Variants in TTC19 observed in about 807,000 individuals in gnomAD.
TTC19 encodes the protein tetratricopeptide repeat protein 19, mitochondrial.
In TTC19, 38 loss-of-function variants were observed where a neutral mutation model predicts 49.5. The ratio of observed to expected loss-of-function variants is 0.77; its 90% CI spans 0.59 to 1.01. The LOEUF is 1.01. Among genes scored for constraint, TTC19 ranks in the 50% least tolerant of loss-of-function variants. TTC19 has a pLI of 0.00. For synonymous variants in TTC19, 204 were observed against 185.2 expected, an observed-to-expected ratio of 1.10 and a Z score of -0.83; for missense variants, 475 against 477.7, an observed-to-expected ratio of 0.99 and a Z score of 0.05.
chr17:16,036,255 T>G (rs1448722560), intron 2 of TTC19, among the ~76,000 whole-genome samples: 1 of 152,206 alleles, frequency 6.6e-6, no homozygotes, highest in African/African-American at 2.4e-5. Context: ...GTATTGAAAA[T>G]TATTTTTTCT....
At chr17:16,031,899 C>T (rs773589903), downstream of TTC19, 25 of 237,376 alleles carry the variant, frequency 1.1e-4, no homozygotes, top group South Asian at 1.7e-4. Context: ...AAAGTTGATG[C>T]GCTGATTTGA....
intron 2 of TTC19, among the ~76,000 whole-genome samples, chr17:16,042,164 G>GAA (rs2152072303): frequency 1.3e-5 from 2 of 152,142 alleles, no homozygotes; most frequent in Non-Finnish European, 2.9e-5. Context: ...AACTGACAGA[G>GAA]GAGAAAAGTC....
chr17:15,999,886 T>G lies in TTC19; in HGVS notation c.38T>G (p.Phe13Cys). Residue 13 changes from phenylalanine to cysteine, a missense_variant, in exon 1 of 10, where the codon TTC (phenylalanine) becomes TGC (cysteine). Physicochemically the swap from Phe to Cys is radical, Grantham distance 205. Transcript: ENST00000261647. ...CTGAGCTGGAGCCTGGGCCGAGGCTTCCTGCGGGCCGCGGGGCGGCGGTGC... is the reference window on the plus strand; with the variant it reads ...CTGAGCTGGAGCCTGGGCCGAGGCTGCCTGCGGGCCGCGGGGCGGCGGTGC... ...RLLSWSLGRG[F>C]LRAAGRRCRG... 3 of 1,410,612 alleles carry G rather than the reference T, an allele frequency of 2.1e-6. No homozygotes were observed. The highest frequency in any genetic ancestry group is 2.7e-6 in the Non-Finnish European group (3 of 1,091,878). 87.4% of individuals were successfully genotyped at this position (1,410,612 alleles called of 1,614,324 possible).
rs1971730633 is a variant in TTC19 at position 16,029,045 on chromosome 17, G to T, written c.*1523G>T. 2.2e-6 allele frequency: 1 copy of T among 451,534 alleles called. No homozygotes were observed. The highest frequency in any genetic ancestry group is 4.4e-6 in the Non-Finnish European group (1 of 226,138). 28.0% of individuals were successfully genotyped at this position (451,534 alleles called of 1,614,324 possible). A position where few individuals can be genotyped will look rare whatever the true frequency, so the allele number is the denominator to read the frequency against. On this transcript the variant is annotated 3_prime_UTR_variant, in exon 10 of 10. Transcript: ENST00000261647. ...ATACAATATAAATCAGACTGTTTCA[G>T]TAGAAACCAGTATTAACGTATGGTG...
At chr17:16,016,575 T>G (rs58627664) in intron 7 of TTC19, among the ~76,000 whole-genome samples, 2,790 of 142,840 alleles carry the variant, frequency 0.02, 71 homozygotes, top group African/African-American at 0.071. Flanking sequence ...TTTTTTTTTT[T>G]GGGATGGAGT....
rs990573457 is a variant in TTC19, at chr17:16,028,628, C to T, written c.*1106C>T. 4.4e-6 allele frequency: 2 copies of T among 453,346 alleles called. No individual in the cohort carries two copies. Among genetic ancestry groups the T allele is most frequent in the African/African-American group, 4.0e-5 (2 of 49,798 alleles). 28.1% of individuals were successfully genotyped at this position (453,346 alleles called of 1,614,324 possible). On this transcript the variant is annotated 3_prime_UTR_variant, in exon 10 of 10. Coordinates refer to ENST00000261647, the MANE Select transcript of TTC19 (RefSeq NM_017775.4). Reference sequence around the variant, plus strand: ...CATGAATACATTTTTAGCCATTTACCTAAGGAAAAAGACAGTTTTTCTAGG... The same window carrying T: ...CATGAATACATTTTTAGCCATTTACTTAAGGAAAAAGACAGTTTTTCTAGG...
intron 7 of TTC19, chr17:16,024,290 CTTTTTTTTCT>C (rs67110061): frequency 0.43 from 64,495 of 149,988 alleles, 15,406 homozygotes; most frequent in Middle Eastern, 0.57. Flanking sequence ...ACCTTAAATT[CTTTTTTTTCT>C]TTTTTTTTCT....
Position 16,004,703 on chromosome 17 carries a change from G to A in TTC19, c.581+441G>A, listed in dbSNP as rs116964279. ...AGAACTCCTCTAGAGAGTTGTATTT[G>A]GGATGAATTTAGGGAGAGACCTAAG... is the stretch of plus-strand genomic sequence containing the variant. On this transcript the variant is annotated intron_variant, in intron 6 of 9. Transcript: ENST00000261647. 3.0e-3 allele frequency among the ~76,000 whole-genome samples: 458 copies of A among 152,286 alleles called. 2 individuals are homozygous for A. Among genetic ancestry groups the A allele is most frequent in the Non-Finnish European group, 4.5e-3 (305 of 68,020 alleles).
rs1484127981 is a variant in TTC19, at chr17:16,029,223, CGTT to C, written c.*1706_*1708del. On this transcript the variant is annotated 3_prime_UTR_variant, in exon 10 of 10. Coordinates refer to ENST00000261647, the MANE Select transcript of TTC19 (RefSeq NM_017775.4). ...TCCACAGTGACTCAGCTCATGGTCTCGTTGTTGGAAACACTAGGAGTTTTCAGG... is the reference window on the plus strand; with the variant it reads ...TCCACAGTGACTCAGCTCATGGTCTCGTTGGAAACACTAGGAGTTTTCAGG... 10 of 453,838 alleles carry C rather than the reference CGTT, an allele frequency of 2.2e-5. No individual in the cohort carries two copies. In the East Asian group the frequency reaches 3.5e-4, roughly 16 times the overall value. The allele number at this position is 453,838 out of a possible 1,614,324, so 28.1% of individuals were successfully genotyped here. A position where few individuals can be genotyped will look rare whatever the true frequency, so the allele number is the denominator to read the frequency against.
intron 2 of TTC19, among the ~76,000 whole-genome samples, chr17:16,034,542 AGGCTGCAGTGAGCCAT>A (rs1228148140): frequency 6.6e-6 from 1 of 152,120 alleles, no homozygotes; most frequent in East Asian, 1.9e-4. Context: ...TCAGAGGTCG[AGGCTGCAGTGAGCCAT>A]GATCATGCCA....
intron 7 of TTC19, among the ~76,000 whole-genome samples, chr17:16,021,280 C>G (rs971410291): frequency 6.6e-6 from 1 of 152,062 alleles, no homozygotes; most frequent in African/African-American, 2.4e-5. Flanking sequence ...CCCAGCTACT[C>G]GGGAGGCTGA....
chr17:16,023,583 G>A (rs1439037300), intron 7 of TTC19: 3 of 152,144 alleles, frequency 2.0e-5, no homozygotes. Flanking sequence ...CATCATTCTC[G>A]AATAGTTGTT....
At chr17:16,011,938 A>T (rs2151660102) in intron 7 of TTC19, among the ~76,000 whole-genome samples, 1 of 152,176 alleles carries the variant, frequency 6.6e-6, no homozygotes, top group East Asian at 1.9e-4. Flanking sequence ...CCCAAAACTC[A>T]TTAACTTTTA....
intron 5 of TTC19, 147 bp from the exon 6 acceptor site, chr17:16,004,054 G>A: frequency 3.6e-6 from 4 of 1,103,686 alleles, no homozygotes; most frequent in South Asian, 1.3e-5. Context: ...GCAACAGCAT[G>A]CTTGCCAAGG....
Position 16,027,581 on chromosome 17 carries a change from T to A in TTC19, c.*59T>A, listed in dbSNP as rs1036823411. The A allele has an allele frequency of 2.1e-5, 33 of 1,588,524 alleles. No homozygotes were observed. Among genetic ancestry groups the A allele is most frequent in the Non-Finnish European group, 2.8e-5 (33 of 1,158,876 alleles). On this transcript the variant is annotated 3_prime_UTR_variant, in exon 10 of 10. Coordinates refer to ENST00000261647, the MANE Select transcript of TTC19 (RefSeq NM_017775.4). ...AATGTGGAAGAATAGCTATCATTCC[T>A]GTCTCTGTGGCACCCGATCAATGGC...
Position 16,034,698 on chromosome 17 carries a change from GAACT to G in TTC19, c.247+7999_247+8002del, listed in dbSNP as rs546005130. The stretch of plus-strand genomic sequence containing the variant: ...ATTAGAAGAGTTGCTGAATTTTGAA[GAACT>G]AATAACCAAGACATTGATATTATTG... On this transcript the variant is annotated intron_variant, in intron 2 of 2. Transcript: ENST00000470649. 308 of 1,375,872 alleles carry G rather than the reference GAACT, an allele frequency of 2.2e-4. No homozygotes were observed. The African/African-American group carries it at 3.9e-3, about 17-fold the overall frequency. The allele number at this position is 1,375,872 out of a possible 1,614,324, so 85.2% of individuals were successfully genotyped here. A position where few individuals can be genotyped will look rare whatever the true frequency, so the allele number is the denominator to read the frequency against.
At chr17:16,009,227 C>G (rs1465262978) in intron 7 of TTC19, among the ~76,000 whole-genome samples, 1 of 152,180 alleles carries the variant, frequency 6.6e-6, no homozygotes, top group Non-Finnish European at 1.5e-5. Flanking sequence ...CTATTTACAC[C>G]TTTGCTGTCT....
intron 4 of TTC19, among the ~76,000 whole-genome samples, chr17:16,003,064 A>G (rs892933142): frequency 6.6e-6 from 1 of 152,202 alleles, no homozygotes; most frequent in African/African-American, 2.4e-5. Context: ...GGTTTCTTCT[A>G]AGATAAGCCC....
At chr17:16,044,795 C>A in exon 3 of TTC19, 1 of 1,117,270 alleles carries the variant, frequency 9.0e-7, no homozygotes, top group Non-Finnish European at 1.4e-6. Context: ...CATTGGGAGC[C>A]TCATCTACAA....
Sources: allele counts gnomAD v4.1 joint callset (sites outside exome capture counted in the v4.1 genomes callset), GRCh38; gene constraint gnomAD v4.1.1; transcripts MANE v1.5; gene names NCBI Gene and HGNC (gene_info 2026-07-23, HGNC 2026-07-21).